LTBP1: variants seen among roughly 807,000 people sequenced by gnomAD.
LTBP1 encodes the protein latent transforming growth factor beta binding protein 1.
LTBP1 carries 129 observed loss-of-function variants against 207.6 expected under a neutral mutation model. That is an observed-to-expected ratio of 0.62 (90% CI 0.54 to 0.72). The LOEUF is 0.72. Ranked by LOEUF, LTBP1 falls within the 30% of genes least tolerant of loss-of-function variation. LTBP1 has a pLI of 0.00. For missense variants in LTBP1, 2,281 were observed against 2,217.2 expected, an observed-to-expected ratio of 1.03 and a Z score of -0.58; for synonymous variants, 963 against 833.7, an observed-to-expected ratio of 1.16 and a Z score of -2.67.
chr2:33,022,427 A>G (rs535001293), intron 3 of LTBP1, among the ~76,000 whole-genome samples: 2 of 152,284 alleles, frequency 1.3e-5, no homozygotes, highest in East Asian at 3.9e-4. Flanking sequence ...CAAAGGTAAG[A>G]TAGGTATAGC....
chr2:33,020,382 A>T (rs1474273414), intron 2 of LTBP1, among the ~76,000 whole-genome samples: 8 of 152,262 alleles, frequency 5.3e-5, no homozygotes, highest in South Asian at 2.1e-4. Context: ...GGCTTAAAAA[A>T]TTTTAAATTA....
chr2:33,027,698 G>A (rs768079218), intron 3 of LTBP1, among the ~76,000 whole-genome samples: 16 of 152,188 alleles, frequency 1.1e-4, no homozygotes, highest in Non-Finnish European at 1.5e-4. Context: ...TTAGCGGGGC[G>A]TGGTGGCATG....
chr2:33,241,891 G>A (rs13425535), intron 9 of LTBP1, among the ~76,000 whole-genome samples: 2,475 of 152,254 alleles, frequency 0.016, 70 homozygotes, highest in African/African-American at 0.055. Flanking sequence ...GTTACATGCT[G>A]TACATAAAAG....
At chr2:33,175,339 C>T (rs575184975) in intron 5 of LTBP1, among the ~76,000 whole-genome samples, 91 of 151,912 alleles carry the variant, frequency 6.0e-4, no homozygotes, top group Admixed American at 7.9e-4. Context: ...AAAAAGTGGG[C>T]GAAGGATATG....
chr2:32,960,915 G>A (rs925075263), intron 2 of LTBP1, among the ~76,000 whole-genome samples: 10 of 152,168 alleles, frequency 6.6e-5, no homozygotes, highest in Non-Finnish European at 1.5e-4. Context: ...TGGATCCCAA[G>A]TCAAGTCTTC....
chr2:33,254,937 T>A (rs1332511049), intron 11 of LTBP1, among the ~76,000 whole-genome samples: 1 of 144,940 alleles, frequency 6.9e-6, no homozygotes, highest in East Asian at 2.0e-4. Flanking sequence ...TGCATTTTTT[T>A]TTATTATACT....
At chr2:33,163,939 C>T (rs1457674036) in intron 5 of LTBP1, among the ~76,000 whole-genome samples, 1 of 152,010 alleles carries the variant, frequency 6.6e-6, no homozygotes, top group Admixed American at 6.6e-5. Context: ...AGAAAAGATG[C>T]TCAGAGAAAA....
At chr2:33,200,313 A>G (rs897940270) in intron 7 of LTBP1, among the ~76,000 whole-genome samples, 3 of 152,232 alleles carry the variant, frequency 2.0e-5, no homozygotes. Context: ...GCCCTCAGAA[A>G]TAATGCCACA....
At chr2:33,331,674 G>T (rs577178891) in intron 24 of LTBP1, among the ~76,000 whole-genome samples, 2 of 151,908 alleles carry the variant, frequency 1.3e-5, no homozygotes, top group African/African-American at 4.8e-5. Flanking sequence ...TATATTATGC[G>T]GCTGGACCTA....
In LTBP1 at chr2:33,303,327, G is replaced by A. The variant is rs2094023306; in HGVS notation, c.3481+1683G>A. Among the ~76,000 whole-genome samples the A allele has an allele frequency of 2.6e-5, 4 of 151,210 alleles. No individual in the cohort carries two copies. The South Asian group carries it at 8.4e-4, about 32-fold the overall frequency. On this transcript the variant is annotated intron_variant, in intron 22 of 33. Transcript: ENST00000404816. Reference sequence around the variant, plus strand: ...TTCAGGATGAAACTGTCCCACCTCAGATCATCAGGCATTAGTTAGATTTTC... The same window carrying A: ...TTCAGGATGAAACTGTCCCACCTCAAATCATCAGGCATTAGTTAGATTTTC...
chr2:33,115,037 TACACACACACACACAC>T (rs60544598), intron 4 of LTBP1, among the ~76,000 whole-genome samples: 56 of 145,264 alleles, frequency 3.9e-4, no homozygotes, highest in African/African-American at 1.0e-3. Context: ...AACAGATATA[TACACACACACACACAC>T]ACACACACAC....
Position 33,365,382 on chromosome 2 carries a change from G to A in LTBP1, c.4590G>A (p.Leu1530=). The A allele has an allele frequency of 2.5e-6, 4 of 1,614,184 alleles. No homozygotes were observed. The highest frequency in any genetic ancestry group is 3.4e-6 in the Non-Finnish European group (4 of 1,180,024). ...ACCAAGATTTGTGCTGGGAACATCTGAGTGATGAATACGTGTGTAGCCGGC... is the reference window on the plus strand; with the variant it reads ...ACCAAGATTTGTGCTGGGAACATCTAAGTGATGAATACGTGTGTAGCCGGC... The part of the protein sequence containing the change: ...DVYQDLCWEH[L]SDEYVCSRPL... Residue 1530 remains leucine, a synonymous_variant, in exon 31 of 34, where the codon CTG becomes CTA. Coordinates refer to ENST00000404816, the MANE Select transcript of LTBP1 (RefSeq NM_206943.4).
At chr2:33,103,586 C>CGTGTGTGTGTGTGTGTGTGTGT (rs71407500) in intron 3 of LTBP1, among the ~76,000 whole-genome samples, 94 of 118,218 alleles carry the variant, frequency 8.0e-4, no homozygotes, top group Admixed American at 1.3e-3. Flanking sequence ...TCTCCGTTTA[C>CGTGTGTGTGTGTGTGTGTGTGT]GTGTGTGTGT....
intron 3 of LTBP1, among the ~76,000 whole-genome samples, chr2:33,095,101 A>G (rs1558629895): frequency 6.6e-6 from 1 of 152,226 alleles, no homozygotes; most frequent in Non-Finnish European, 1.5e-5. Context: ...TAAAGCAAGA[A>G]AATATATATC....
intron 3 of LTBP1, among the ~76,000 whole-genome samples, chr2:33,055,563 A>C (rs576779508): frequency 8.5e-5 from 13 of 152,158 alleles, no homozygotes; most frequent in African/African-American, 3.1e-4. Flanking sequence ...CATTTACTTG[A>C]CTAAGATACC....
chr2:33,069,962 C>T (rs1356612577), intron 3 of LTBP1, among the ~76,000 whole-genome samples: 1 of 152,208 alleles, frequency 6.6e-6, no homozygotes, highest in East Asian at 1.9e-4. Context: ...GGGAAAGTGA[C>T]TCATGGATGT....
intron 31 of LTBP1, 98 bp from the exon 32 acceptor site, chr2:33,389,086 G>T: frequency 6.5e-7 from 1 of 1,532,332 alleles, no homozygotes; most frequent in Non-Finnish European, 8.9e-7. Flanking sequence ...ACACGTGGAA[G>T]GGTGTGCTGG....
At chr2:33,227,542 G>A (rs1170202502) in intron 9 of LTBP1, among the ~76,000 whole-genome samples, 1 of 151,900 alleles carries the variant, frequency 6.6e-6, no homozygotes, top group Admixed American at 6.6e-5. Flanking sequence ...CCCTACTTAT[G>A]CCCCATGCCA....
chr2:33,217,692 A>G (rs758306672), intron 8 of LTBP1, 38 bp downstream of exon 8: 1 of 1,438,370 alleles, frequency 7.0e-7, no homozygotes, highest in South Asian at 1.2e-5. Context: ...AGGTTAATGT[A>G]GCATATCTGT....
Sources: allele counts gnomAD v4.1 joint callset (sites outside exome capture counted in the v4.1 genomes callset), GRCh38; gene constraint gnomAD v4.1.1; transcripts MANE v1.5; gene names NCBI Gene and HGNC (gene_info 2026-07-23, HGNC 2026-07-21).